Variants in ELOVL5 observed in about 807,000 individuals in gnomAD.
The protein encoded by ELOVL5 is ELOVL fatty acid elongase 5.
Under a neutral mutation model 38.6 loss-of-function variants are expected in ELOVL5, and 8 were observed. That is an observed-to-expected ratio of 0.21 (90% confidence interval 0.12 to 0.37). The LOEUF is 0.37. Among genes scored for constraint, ELOVL5 ranks in the 10% least tolerant of loss-of-function variants. ELOVL5 has a pLI of 1.00. For synonymous variants in ELOVL5, 127 were observed against 133.7 expected (o/e 0.95, Z 0.34); for missense variants, 280 against 367.8 (o/e 0.76, Z 1.95).
In ELOVL5 at chr6:53,268,012, C is replaced by T. The variant is rs1765798551; in HGVS notation, c.*1115G>A. ...ATTAGATTTACATTAAACAAGTTAC[C>T]TCTATCAAATTTCTCGATTCTCTTA... is the stretch of plus-strand genomic sequence containing the variant. On this transcript the variant is annotated 3_prime_UTR_variant, in exon 8 of 8. Coordinates refer to ENST00000304434, the MANE Select transcript of ELOVL5 (RefSeq NM_021814.5). 6.6e-6 allele frequency: 1 copy of T among 152,158 alleles called. No homozygotes were observed. The highest frequency in any genetic ancestry group is 6.5e-5 in the Admixed American group (1 of 15,268). 9.4% of individuals were successfully genotyped at this position (152,158 alleles called of 1,614,324 possible).
Position 53,281,945 on chromosome 6 carries a change from A to G in ELOVL5, c.247-5689T>C, listed in dbSNP as rs371654232. ...TTGAGAAGTCTTTAAAACAAAACAC[A>G]AAGAAACAGCCTGTCCTCAATCCAA... is the stretch of plus-strand genomic sequence containing the variant. On this transcript the variant is annotated intron_variant, in intron 3 of 7. Coordinates refer to ENST00000304434, the MANE Select transcript of ELOVL5 (RefSeq NM_021814.5). Among the ~76,000 whole-genome samples the G allele has an allele frequency of 7.9e-5, 12 of 152,298 alleles. No homozygotes were observed. The South Asian group carries it at 1.0e-3, about 13-fold the overall frequency.
At chr6:53,312,118 A>G (rs1278574841) in intron 1 of ELOVL5, among the ~76,000 whole-genome samples, 1 of 152,210 alleles carries the variant, frequency 6.6e-6, no homozygotes, top group Non-Finnish European at 1.5e-5. Context: ...TCCGTAACCT[A>G]GAAGTAACCT....
chr6:53,327,183 C>T (rs1339071453), intron 1 of ELOVL5, among the ~76,000 whole-genome samples: 1 of 152,144 alleles, frequency 6.6e-6, no homozygotes, highest in Non-Finnish European at 1.5e-5. Context: ...ATCACCAAAG[C>T]AGATCTTTGT....
At chr6:53,290,456 G>A (rs947097380) in intron 3 of ELOVL5, 1 of 152,150 alleles carries the variant, frequency 6.6e-6, no homozygotes, top group Non-Finnish European at 1.5e-5. Flanking sequence ...TAGTGCTGGG[G>A]CCAGGAGTCA....
At chr6:53,284,314 T>TAAA (rs139076867) in intron 3 of ELOVL5, among the ~76,000 whole-genome samples, 13,936 of 138,822 alleles carry the variant, frequency 0.1, 952 homozygotes, top group Admixed American at 0.24. Context: ...TTTTTTTTTT[T>TAAA]AAAAAAAAAG....
rs115499723 is a variant in ELOVL5, at chr6:53,279,777, T to G, written c.247-3521A>C. On this transcript the variant is annotated intron_variant, in intron 3 of 7. Transcript: ENST00000304434. ...ATGGGGTCATGGAAATTCTCAAATC[T>G]CCCTGGCTTCAGAAAGGATAGAATA... 4.4e-3 allele frequency among the ~76,000 whole-genome samples: 662 copies of G among 152,182 alleles called. 8 individuals carry two copies. The highest frequency in any genetic ancestry group is 0.015 in the African/African-American group (639 of 41,486).
At position 53,275,202 on chromosome 6, in the gene ELOVL5, G is replaced by A. The variant is rs1241139516; in HGVS notation, c.384C>T (p.Phe128=). 6.2e-7 allele frequency: 1 copy of A among 1,614,046 alleles called. No homozygotes were observed. ...FSKLIEFMDT[F]FFILRKNNHQ... is the part of the protein sequence containing the mutation. Reference sequence around the variant, plus strand: ...GGTTGTTCTTGCGCAGGATGAAGAAGAAAGTGTCCATAAATTCTATGAGTT... The same window carrying A: ...GGTTGTTCTTGCGCAGGATGAAGAAAAAAGTGTCCATAAATTCTATGAGTT... Residue 128 remains phenylalanine, a synonymous_variant, in exon 5 of 8, where the codon TTC becomes TTT. Coordinates refer to ENST00000304434, the MANE Select transcript of ELOVL5 (RefSeq NM_021814.5).
intron 1 of ELOVL5, among the ~76,000 whole-genome samples, chr6:53,317,824 C>CA (rs1053280806): frequency 1.9e-4 from 25 of 128,992 alleles, no homozygotes; most frequent in African/African-American, 6.0e-4. Flanking sequence ...AAGATGAGAA[C>CA]AAAAAAAAAT....
intron 1 of ELOVL5, among the ~76,000 whole-genome samples, chr6:53,300,367 C>G (rs1362171000): frequency 6.6e-6 from 1 of 152,122 alleles, no homozygotes; most frequent in Non-Finnish European, 1.5e-5. Flanking sequence ...GCACGGAGAC[C>G]TGAAGGCCCT....
intron 4 of ELOVL5, 142 bp from the exon 5 acceptor site, chr6:53,275,403 G>C: frequency 1.3e-6 from 1 of 752,614 alleles, no homozygotes; most frequent in South Asian, 1.8e-5. Flanking sequence ...ATGTCCATCA[G>C]TGGCTGGGAG....
At chr6:53,343,366 C>T (rs1001911757) in intron 1 of ELOVL5, among the ~76,000 whole-genome samples, 5 of 152,108 alleles carry the variant, frequency 3.3e-5, no homozygotes, top group African/African-American at 9.7e-5. Context: ...GCATGTACCA[C>T]CACATCCAGC....
At position 53,292,911 on chromosome 6, in the gene ELOVL5, GC is replaced by G. The variant is rs375030751; in HGVS notation, c.59-949del. Among the ~76,000 whole-genome samples the G allele has an allele frequency of 4.4e-3, 663 of 152,308 alleles. 7 individuals are homozygous for G. The highest frequency in any genetic ancestry group is 0.015 in the African/African-American group (641 of 41,582). On this transcript the variant is annotated intron_variant, in intron 2 of 7. Coordinates refer to ENST00000304434, the MANE Select transcript of ELOVL5 (RefSeq NM_021814.5). ...TAGTAGCATGAGAGCGAAGACCTAGGCGGATCCAGAGGAGATACTGGTATAG... is the reference window on the plus strand; with the variant it reads ...TAGTAGCATGAGAGCGAAGACCTAGGGGATCCAGAGGAGATACTGGTATAG...
chr6:53,321,860 T>G (rs1328734090), intron 1 of ELOVL5, among the ~76,000 whole-genome samples: 1 of 152,224 alleles, frequency 6.6e-6, no homozygotes, highest in African/African-American at 2.4e-5. Context: ...GCAAATGCTG[T>G]GTGTGCTCTG....
chr6:53,300,254 A>G (rs1299864881), intron 1 of ELOVL5, among the ~76,000 whole-genome samples: 1 of 152,138 alleles, frequency 6.6e-6, no homozygotes, highest in African/African-American at 2.4e-5. Context: ...CATTTACTCA[A>G]TACAACCTCA....
rs757383449 is a variant in ELOVL5, at chr6:53,348,924, T to C, written c.-116A>G. 1.8e-5 allele frequency: 8 copies of C among 445,422 alleles called. No individual in the cohort carries two copies. Among genetic ancestry groups the C allele is most frequent in the South Asian group, 9.4e-5 (6 of 64,164 alleles). 27.6% of individuals were successfully genotyped at this position (445,422 alleles called of 1,614,324 possible). On this transcript the variant is annotated 5_prime_UTR_variant, in exon 1 of 8. Transcript: ENST00000304434. ...AGGCGGATGTAGAAGGAGACACCGG[T>C]GGCTAGGACCCGCGCGATGGGAAGA...
intron 1 of ELOVL5, among the ~76,000 whole-genome samples, chr6:53,336,278 G>C (rs1049785224): frequency 6.6e-6 from 1 of 152,174 alleles, no homozygotes; most frequent in African/African-American, 2.4e-5. Context: ...TACTGACCAA[G>C]TGGCTACTGA....
intron 1 of ELOVL5, 76 bp from the exon 2 acceptor site, chr6:53,295,783 A>T: frequency 4.3e-6 from 4 of 932,136 alleles, no homozygotes; most frequent in Non-Finnish European, 6.3e-6. Flanking sequence ...ATAAAAGAAT[A>T]AATTCTTTTC....
At chr6:53,328,615 A>G (rs1180894206) in intron 1 of ELOVL5, among the ~76,000 whole-genome samples, 1 of 152,234 alleles carries the variant, frequency 6.6e-6, no homozygotes, top group Non-Finnish European at 1.5e-5. Flanking sequence ...GGCATTATCC[A>G]AAATCAACAG....
chr6:53,270,478 T>C, intron 7 of ELOVL5, 115 bp downstream of exon 7: 1 of 1,159,424 alleles, frequency 8.6e-7, no homozygotes, highest in Non-Finnish European at 1.2e-6. Context: ...GTGACTCCAT[T>C]AGAGGCCAGA....
Sources: allele counts gnomAD v4.1 joint callset (sites outside exome capture counted in the v4.1 genomes callset), GRCh38; gene constraint gnomAD v4.1.1; transcripts MANE v1.5; gene names NCBI Gene and HGNC (gene_info 2026-07-23, HGNC 2026-07-21).